MAST4: variants seen among roughly 807,000 people sequenced by gnomAD.
The protein encoded by MAST4 is microtubule associated serine/threonine kinase family member 4.
A neutral mutation model predicts 162.7 loss-of-function variants in MAST4; 89 were observed. That is an observed-to-expected ratio of 0.55 (90% CI 0.46 to 0.65). MAST4 has a LOEUF of 0.65. Ranked by LOEUF, MAST4 falls within the 30% of genes least tolerant of loss-of-function variation. The probability of loss-of-function intolerance (pLI) is 0.00; values close to 1 mark genes in which losing one functional copy is unlikely to be tolerated. For missense variants in MAST4, 3,153 were observed against 3,374.0 expected (o/e 0.93, Z 1.62); for synonymous variants, 1,479 against 1,361.1 (o/e 1.09, Z -1.91).
At chr5:66,824,563 T>C (rs1194524052) in intron 3 of MAST4, among the ~76,000 whole-genome samples, 3 of 152,228 alleles carry the variant, frequency 2.0e-5, no homozygotes, top group Non-Finnish European at 4.4e-5. Flanking sequence ...TACTGAAGAA[T>C]GGGTAACATC....
chr5:67,111,927 C>T (rs1308806766), intron 11 of MAST4, among the ~76,000 whole-genome samples: 1 of 152,136 alleles, frequency 6.6e-6, no homozygotes, highest in African/African-American at 2.4e-5. Flanking sequence ...GGGATGCTTC[C>T]CCCAACCTAT....
chr5:67,160,637 T>G (rs763374912), intron 27 of MAST4, 45 bp downstream of exon 27: 2 of 1,578,468 alleles, frequency 1.3e-6, no homozygotes, highest in East Asian at 4.5e-5. Context: ...TATACCTATG[T>G]TGGGGAAAAG....
chr5:66,729,757 C>G (rs1751730001), intron 1 of MAST4, among the ~76,000 whole-genome samples: 2 of 152,152 alleles, frequency 1.3e-5, no homozygotes, highest in Admixed American at 6.5e-5. Context: ...TTCTGAGGTG[C>G]ATAGGAGAAA....
At position 67,166,710 on chromosome 5, in the gene MAST4, G is replaced by A; in HGVS notation, c.7531G>A (p.Gly2511Ser). ...TAGGAAGGCTCAGCCTGCCGGGGAGGGCCGAACCCACATGACAAAGAGTGA... is the reference window on the plus strand; with the variant it reads ...TAGGAAGGCTCAGCCTGCCGGGGAGAGCCGAACCCACATGACAAAGAGTGA... ...DHRKAQPAGE[G>S]RTHMTKSDSL... The change falls in exon 29 of 29, where the codon GGC becomes AGC. Residue 2511 changes from glycine (G) to serine (S), a missense_variant. By Grantham distance (56) the Gly-to-Ser change is moderately conservative. Coordinates refer to ENST00000403625, the MANE Select transcript of MAST4 (RefSeq NM_001164664.2). 1 of 1,589,120 alleles carries A rather than the reference G, an allele frequency of 6.3e-7. No individual in the cohort carries two copies. The highest frequency in any genetic ancestry group is 8.6e-7 in the Non-Finnish European group (1 of 1,167,950).
intron 1 of MAST4, 127 bp from the exon 2 acceptor site, chr5:66,759,582 G>T (rs1419633342): frequency 1.7e-6 from 2 of 1,176,704 alleles, no homozygotes. Flanking sequence ...TAGCAAAATT[G>T]AACACAGTGT....
At chr5:67,096,085 T>G (rs961241537) in intron 7 of MAST4, among the ~76,000 whole-genome samples, 1 of 152,252 alleles carries the variant, frequency 6.6e-6, no homozygotes, top group East Asian at 1.9e-4. Context: ...TTGTTTTGTT[T>G]TGTTTTCTTT....
rs1171558201 is a variant in MAST4 at position 67,167,340 on chromosome 5, A to AAT, written c.*295_*296dup. 2.5e-5 allele frequency: 7 copies of AAT among 278,520 alleles called. No homozygotes were observed. The highest frequency in any genetic ancestry group is 1.3e-4 in the African/African-American group (6 of 45,982). The allele number at this position is 278,520 out of a possible 1,614,324, so 17.3% of individuals were successfully genotyped here. A position where few individuals can be genotyped will look rare whatever the true frequency, so the allele number is the denominator to read the frequency against. On this transcript the variant is annotated 3_prime_UTR_variant, in exon 29 of 29. Transcript: ENST00000403625. ...GTTGAGGAAAATGATTTTCTTTGTAAATATATAGCATCGTGTTTGGTTTGG... is the reference window on the plus strand; with the variant it reads ...GTTGAGGAAAATGATTTTCTTTGTAAATATATATAGCATCGTGTTTGGTTTGG...
intron 1 of MAST4, among the ~76,000 whole-genome samples, chr5:66,692,109 A>T (rs1054308656): frequency 5.3e-5 from 8 of 152,148 alleles, no homozygotes; most frequent in African/African-American, 1.9e-4. Context: ...GGTATATTAT[A>T]TAAAGTATGC....
intron 2 of MAST4, among the ~76,000 whole-genome samples, chr5:66,762,005 C>G: frequency 6.6e-6 from 1 of 152,118 alleles, no homozygotes; most frequent in East Asian, 1.9e-4. Flanking sequence ...ATTATTCTAT[C>G]CATTTTTGCT....
At position 66,936,969 on chromosome 5, in the gene MAST4, C is replaced by T. The variant is rs913385104; in HGVS notation, c.674+36987C>T. On this transcript the variant is annotated intron_variant, in intron 4 of 28. Transcript: ENST00000403625. Reference sequence around the variant, plus strand: ...GCCCTCTCTCCTCCTCACTACAGTGCGGCTTTAATTATATCTCCCACTGCT... The same window carrying T: ...GCCCTCTCTCCTCCTCACTACAGTGTGGCTTTAATTATATCTCCCACTGCT... Among the ~76,000 whole-genome samples the T allele has an allele frequency of 3.9e-5, 6 of 152,140 alleles. No homozygotes were observed. The South Asian group carries it at 6.2e-4, about 16-fold the overall frequency.
intron 1 of MAST4, among the ~76,000 whole-genome samples, chr5:66,739,360 G>C (rs1392250839): frequency 6.6e-6 from 1 of 152,082 alleles, no homozygotes; most frequent in Non-Finnish European, 1.5e-5. Context: ...TATTTCCTGG[G>C]GCAGGAATTT....
intron 1 of MAST4, among the ~76,000 whole-genome samples, chr5:66,738,945 A>G (rs1752324868): frequency 6.6e-6 from 1 of 152,200 alleles, no homozygotes; most frequent in Non-Finnish European, 1.5e-5. Flanking sequence ...TTAGTCAATT[A>G]CTTCCCTCTT....
intron 3 of MAST4, among the ~76,000 whole-genome samples, chr5:66,870,257 C>T (rs186426680): frequency 3.3e-5 from 5 of 152,244 alleles, no homozygotes; most frequent in East Asian, 3.9e-4. Context: ...TCAGACACTA[C>T]GAATTCTGCC....
At chr5:66,854,874 C>A (rs1408583158) in intron 3 of MAST4, among the ~76,000 whole-genome samples, 1 of 152,040 alleles carries the variant, frequency 6.6e-6, no homozygotes, top group South Asian at 2.1e-4. Flanking sequence ...GAAGCAGTCA[C>A]CCTTTCCTCA....
chr5:67,002,397 A>G (rs1751393973), intron 4 of MAST4, among the ~76,000 whole-genome samples: 1 of 152,246 alleles, frequency 6.6e-6, no homozygotes, highest in Admixed American at 6.5e-5. Flanking sequence ...AAATGCCTAT[A>G]TAAACTGAGG....
intron 4 of MAST4, among the ~76,000 whole-genome samples, chr5:66,909,131 G>A (rs1223844387): frequency 6.6e-6 from 1 of 152,132 alleles, no homozygotes; most frequent in Non-Finnish European, 1.5e-5. Context: ...CATTGGAGTA[G>A]CATTTTCTCA....
At chr5:66,858,706 A>C (rs557231200) in intron 3 of MAST4, among the ~76,000 whole-genome samples, 93 of 152,266 alleles carry the variant, frequency 6.1e-4, no homozygotes, top group Middle Eastern at 3.4e-3. Context: ...ATTTCACCAA[A>C]ACATATCTAC....
chr5:66,699,544 A>G (rs1580230509), intron 1 of MAST4, among the ~76,000 whole-genome samples: 1 of 152,296 alleles, frequency 6.6e-6, no homozygotes, highest in East Asian at 1.9e-4. Context: ...GATGAAGAAA[A>G]TATGGTACAT....
At position 67,120,961 on chromosome 5, in the gene MAST4, T is replaced by C. The variant is rs989229063; in HGVS notation, c.1660-56T>C. The stretch of plus-strand genomic sequence containing the variant: ...CTTCAAATATTATCTATTTTGCTGA[T>C]AAAATAATTTTCTTAAATCTAAACT... On this transcript the variant is annotated intron_variant, in intron 13 of 28. Transcript: ENST00000403625. 4 of 1,231,536 alleles carry C rather than the reference T, an allele frequency of 3.2e-6. No homozygotes were observed. In the Middle Eastern group the frequency reaches 5.7e-4, roughly 176 times the overall value. 76.3% of individuals were successfully genotyped at this position (1,231,536 alleles called of 1,614,324 possible).
Sources: allele counts gnomAD v4.1 joint callset (sites outside exome capture counted in the v4.1 genomes callset), GRCh38; gene constraint gnomAD v4.1.1; transcripts MANE v1.5; gene names NCBI Gene and HGNC (gene_info 2026-07-23, HGNC 2026-07-21).